TLK1: variants seen among roughly 807,000 people sequenced by gnomAD.
TLK1 encodes the protein serine/threonine-protein kinase tousled-like 1.
TLK1 carries 24 observed loss-of-function variants against 105.3 expected under a neutral mutation model. The observed-to-expected ratio is 0.23, with a 90% CI of 0.17 to 0.32. TLK1 has a LOEUF of 0.32. Among genes scored for constraint, TLK1 ranks in the 10% least tolerant of loss-of-function variants. TLK1 has a pLI of 1.00. For missense variants in TLK1, 558 were observed against 910.5 expected (o/e 0.61, Z 4.98); for synonymous variants, 321 against 310.4 (o/e 1.03, Z -0.36).
At chr2:171,146,811 A>G (rs1691809651) in intron 1 of TLK1, among the ~76,000 whole-genome samples, 1 of 152,192 alleles carries the variant, frequency 6.6e-6, no homozygotes, top group African/African-American at 2.4e-5. Context: ...CTTTTTAGAA[A>G]ACTTTATTTC....
In TLK1 at chr2:171,036,983, A is replaced by G. The variant is rs537174960; in HGVS notation, c.1170-8578T>C. On this transcript the variant is annotated intron_variant, in intron 11 of 20. Transcript: ENST00000431350. ...TGGGATCAAGGTTGCTCATCAGCTG[A>G]TTTTAAGATAATTACTTTTTATAAT... 3.1e-4 allele frequency among the ~76,000 whole-genome samples: 47 copies of G among 152,314 alleles called. 3 individuals carry two copies. The highest frequency in any genetic ancestry group is 9.9e-4 in the African/African-American group (41 of 41,582).
chr2:171,090,358 ATTAGT>A (rs1558936312), intron 2 of TLK1, among the ~76,000 whole-genome samples: 6 of 151,652 alleles, frequency 4.0e-5, no homozygotes. Context: ...TAATTTACTT[ATTAGT>A]TTTAATTATT....
chr2:171,118,878 T>C (rs1690541407), intron 1 of TLK1, among the ~76,000 whole-genome samples: 1 of 152,182 alleles, frequency 6.6e-6, no homozygotes, highest in African/African-American at 2.4e-5. Flanking sequence ...TTCTTACTTT[T>C]TATCCTCACC....
At chr2:171,125,155 C>T (rs1466748204) in intron 1 of TLK1, among the ~76,000 whole-genome samples, 2 of 152,178 alleles carry the variant, frequency 1.3e-5, no homozygotes, top group Non-Finnish European at 2.9e-5. Context: ...AAATAAGCCA[C>T]TTGGAAACTT....
chr2:171,163,265 C>G (rs141855812), upstream of TLK1, among the ~76,000 whole-genome samples: 166 of 152,252 alleles, frequency 1.1e-3, no homozygotes, highest in African/African-American at 3.8e-3. Context: ...TTGGCTGTTA[C>G]GAATAATGCT....
chr2:171,038,811 G>A (rs1455637076), intron 11 of TLK1, among the ~76,000 whole-genome samples: 1 of 152,044 alleles, frequency 6.6e-6, no homozygotes, highest in Non-Finnish European at 1.5e-5. Context: ...ATGTTGGGAG[G>A]TATTCTATAT....
intron 1 of TLK1, among the ~76,000 whole-genome samples, chr2:171,188,798 C>T (rs1693087131): frequency 1.3e-5 from 2 of 151,088 alleles, no homozygotes; most frequent in Non-Finnish European, 2.9e-5. Flanking sequence ...CACTTGAACC[C>T]AGGGAGGTGG....
intron 8 of TLK1, among the ~76,000 whole-genome samples, chr2:171,051,594 T>C (rs1687241174): frequency 1.3e-5 from 2 of 152,240 alleles, no homozygotes; most frequent in Admixed American, 6.5e-5. Flanking sequence ...CTTATGATAC[T>C]GAGGAGTAAT....
At chr2:171,151,734 C>T (rs1231653111) in intron 1 of TLK1, among the ~76,000 whole-genome samples, 1 of 152,124 alleles carries the variant, frequency 6.6e-6, no homozygotes, top group Non-Finnish European at 1.5e-5. Context: ...CTCAGCCTCC[C>T]AAAGTGCTGG....
intron 1 of TLK1, among the ~76,000 whole-genome samples, chr2:171,194,818 GGGAAAAAA>G (rs1476816284): frequency 9.0e-6 from 1 of 111,642 alleles, no homozygotes; most frequent in African/African-American, 3.6e-5. Context: ...CTCCGTCTCA[GGGAAAAAA>G]AAAAAAAAAA....
intron 18 of TLK1, 151 bp downstream of exon 18, chr2:171,005,996 A>C (rs1684634259): frequency 1.5e-6 from 1 of 663,358 alleles, no homozygotes; most frequent in Non-Finnish European, 2.3e-6. Context: ...GAATGACCAC[A>C]GAAGTCTCCC....
At chr2:171,068,234 C>T (rs373241943) in intron 3 of TLK1, among the ~76,000 whole-genome samples, 14 of 152,148 alleles carry the variant, frequency 9.2e-5, no homozygotes, top group African/African-American at 2.6e-4. Flanking sequence ...GAGGTTGAGG[C>T]GGGAAAATTG....
chr2:171,103,740 TTC>T (rs1237719588), intron 2 of TLK1, among the ~76,000 whole-genome samples: 7 of 152,224 alleles, frequency 4.6e-5, no homozygotes, highest in African/African-American at 1.4e-4. Context: ...ATGAAATATT[TTC>T]TGTTTTTCTT....
chr2:171,118,104 A>C (rs1690509764), intron 1 of TLK1, among the ~76,000 whole-genome samples: 1 of 152,180 alleles, frequency 6.6e-6, no homozygotes, highest in Non-Finnish European at 1.5e-5. Context: ...AATTTAGTAC[A>C]CAGTTACAAA....
At chr2:171,108,613 T>C (rs1690035400) in intron 2 of TLK1, among the ~76,000 whole-genome samples, 1 of 152,168 alleles carries the variant, frequency 6.6e-6, no homozygotes, top group South Asian at 2.1e-4. Context: ...AATTTTTTTT[T>C]TTTTAAATGA....
At chr2:170,999,613 G>C (rs1684259861) in intron 18 of TLK1, among the ~76,000 whole-genome samples, 1 of 152,022 alleles carries the variant, frequency 6.6e-6, no homozygotes, top group Admixed American at 6.5e-5. Flanking sequence ...GAGGATGAAA[G>C]GTAATTTATA....
At chr2:171,085,907 G>A (rs890984415) in intron 2 of TLK1, among the ~76,000 whole-genome samples, 1 of 152,118 alleles carries the variant, frequency 6.6e-6, no homozygotes, top group African/African-American at 2.4e-5. Flanking sequence ...ACTAGGGGAT[G>A]GAAAGCATAC....
upstream of TLK1, among the ~76,000 whole-genome samples, chr2:171,161,752 C>CA (rs1347042115): frequency 6.6e-6 from 1 of 152,168 alleles, no homozygotes; most frequent in East Asian, 1.9e-4. Flanking sequence ...GTCCCGACTA[C>CA]AAAAATCCCA....
chr2:171,026,678 TTA>T (rs1252585626), intron 12 of TLK1, among the ~76,000 whole-genome samples: 4 of 152,262 alleles, frequency 2.6e-5, no homozygotes, highest in South Asian at 2.1e-4. Flanking sequence ...TGGTAAATCT[TTA>T]TATGAGACAT....
Sources: allele counts gnomAD v4.1 joint callset (sites outside exome capture counted in the v4.1 genomes callset), GRCh38; gene constraint gnomAD v4.1.1; transcripts MANE v1.5; gene names NCBI Gene and HGNC (gene_info 2026-07-23, HGNC 2026-07-21).